JAKMIP2: variants seen among roughly 807,000 people sequenced by gnomAD.
JAKMIP2 encodes the protein janus kinase and microtubule interacting protein 2.
Under a neutral mutation model 115.0 loss-of-function variants are expected in JAKMIP2, and 25 were observed. The observed-to-expected ratio is 0.22, with a 90% confidence interval of 0.16 to 0.30. JAKMIP2 has a LOEUF of 0.30. JAKMIP2 is among the 10% of genes least tolerant of loss of function. The probability of loss-of-function intolerance (pLI) is 1.00; values close to 1 mark genes in which losing one functional copy is unlikely to be tolerated. For synonymous variants in JAKMIP2, 334 were observed against 343.6 expected, an observed-to-expected ratio of 0.97 and a Z score of 0.31; for missense variants, 642 against 957.6, an observed-to-expected ratio of 0.67 and a Z score of 4.35.
chr5:147,631,366 C>G, intron 14 of JAKMIP2, 47 bp downstream of exon 14: 2 of 1,240,036 alleles, frequency 1.6e-6, no homozygotes, highest in Non-Finnish European at 1.1e-6. Context: ...TTCCAATTCC[C>G]AGTTTTTCTA....
intron 21 of JAKMIP2, among the ~76,000 whole-genome samples, chr5:147,596,578 A>G (rs1211080604): frequency 6.6e-6 from 1 of 152,176 alleles, no homozygotes; most frequent in Non-Finnish European, 1.5e-5. Flanking sequence ...TTTCCCAGCT[A>G]TTCATTCATC....
chr5:147,659,716 C>G (rs555826423), intron 3 of JAKMIP2, among the ~76,000 whole-genome samples: 2 of 152,164 alleles, frequency 1.3e-5, no homozygotes, highest in South Asian at 2.1e-4. Context: ...CAGTCACTGT[C>G]GTTTCAAAAA....
chr5:147,636,249 A>G lies in JAKMIP2; in HGVS notation c.1650T>C (p.Ile550=), dbSNP rs767163051. The change falls in exon 12 of 22, where the codon ATT becomes ATC. Residue 550 remains isoleucine, a synonymous_variant. Transcript: ENST00000616793. ...SHWVEDKQLF[I]KRNQELLEKI... ...TTTCTAAAAGCTCCTGGTTTCTCTT[A>G]ATGAAAAGTTGTTTATCTTCTACCC... The G allele has an allele frequency of 1.2e-6, 2 of 1,613,620 alleles. No homozygotes were observed. The highest frequency in any genetic ancestry group is 1.7e-6 in the Non-Finnish European group (2 of 1,179,740).
intron 1 of JAKMIP2, among the ~76,000 whole-genome samples, chr5:147,689,746 AT>A: frequency 6.6e-6 from 1 of 152,138 alleles, no homozygotes; most frequent in Non-Finnish European, 1.5e-5. Flanking sequence ...CTGTCCTCCT[AT>A]TAAGAGGATA....
intron 1 of JAKMIP2, among the ~76,000 whole-genome samples, chr5:147,712,953 G>T (rs1427515164): frequency 1.3e-5 from 2 of 152,060 alleles, no homozygotes; most frequent in Non-Finnish European, 2.9e-5. Flanking sequence ...AGTAAGTCAG[G>T]GTTCCTTTAA....
intron 1 of JAKMIP2, among the ~76,000 whole-genome samples, chr5:147,764,920 A>AAGAAAGAAAGAAAG (rs1554086034): frequency 2.5e-5 from 1 of 39,464 alleles, no homozygotes; most frequent in African/African-American, 1.4e-4. Flanking sequence ...GAAAGAAAGA[A>AAGAAAGAAAGAAAG]AGAGAGAGAG....
At chr5:147,777,538 T>G (rs536604710) in intron 1 of JAKMIP2, among the ~76,000 whole-genome samples, 1 of 152,314 alleles carries the variant, frequency 6.6e-6, no homozygotes, top group East Asian at 1.9e-4. Context: ...AATGATTTCT[T>G]GATGGTAGGC....
chr5:147,661,313 C>G lies in JAKMIP2; in HGVS notation c.262G>C (p.Val88Leu), dbSNP rs1270070675. The change falls in exon 3 of 22, where the codon GTG becomes CTG. Residue 88 changes from valine to leucine, a missense_variant. Val to Leu is a conservative substitution (Grantham distance 32). This residue lies in a region of JAKMIP2 where 439 missense variants were observed against 570.9 expected (regional missense o/e 0.77). Coordinates refer to ENST00000616793, the MANE Select transcript of JAKMIP2 (RefSeq NM_001270941.2). Reference protein sequence around the residue: ...HEEKMKELQAVRENLIKQHEQ... With the variant: ...HEEKMKELQALRENLIKQHEQ... ...TGCTGCTTGATAAGGTTCTCCCTCA[C>G]AGCCTGCAGCTCCTTCATCTTCTCC... 5.6e-6 allele frequency: 9 copies of G among 1,614,038 alleles called. No individual in the cohort carries two copies. The highest frequency in any genetic ancestry group is 7.6e-6 in the Non-Finnish European group (9 of 1,180,020).
intron 17 of JAKMIP2, among the ~76,000 whole-genome samples, 157 bp from the exon 18 acceptor site, chr5:147,620,900 C>T (rs1466087789): frequency 6.6e-6 from 1 of 152,124 alleles, no homozygotes; most frequent in East Asian, 1.9e-4. Context: ...GTTCAACTCT[C>T]ATAGTCTCAC....
At chr5:147,685,425 A>G (rs1760519680) in intron 1 of JAKMIP2, among the ~76,000 whole-genome samples, 1 of 152,208 alleles carries the variant, frequency 6.6e-6, no homozygotes, top group African/African-American at 2.4e-5. Context: ...GATCTATATT[A>G]ACTATTATAT....
At chr5:147,620,637 C>T (rs774500521) in intron 18 of JAKMIP2, 29 bp downstream of exon 18, 22 of 1,481,940 alleles carry the variant, frequency 1.5e-5, no homozygotes, top group East Asian at 9.1e-5. Flanking sequence ...GTAAATACTG[C>T]GGGTGTCTCT....
chr5:147,692,073 T>C (rs1033750065), intron 1 of JAKMIP2, among the ~76,000 whole-genome samples: 1 of 152,110 alleles, frequency 6.6e-6, no homozygotes, highest in Non-Finnish European at 1.5e-5. Context: ...AAGTCCTAAC[T>C]CCCAGTACCA....
At chr5:147,685,536 G>A (rs1356736121) in intron 1 of JAKMIP2, among the ~76,000 whole-genome samples, 5 of 152,136 alleles carry the variant, frequency 3.3e-5, no homozygotes, top group African/African-American at 7.2e-5. Flanking sequence ...TTACTCCGGA[G>A]CCTATAAGCC....
At chr5:147,629,368 G>A (rs564753061) in intron 15 of JAKMIP2, among the ~76,000 whole-genome samples, 4 of 152,254 alleles carry the variant, frequency 2.6e-5, no homozygotes, top group African/African-American at 7.2e-5. Context: ...TTGCAAATGC[G>A]TGACTGATTA....
At chr5:147,750,308 C>A (rs1754501124) in intron 1 of JAKMIP2, among the ~76,000 whole-genome samples, 1 of 152,076 alleles carries the variant, frequency 6.6e-6, no homozygotes, top group Admixed American at 6.6e-5. Flanking sequence ...GCGTTCTTAA[C>A]CCAAGGGACA....
intron 1 of JAKMIP2, among the ~76,000 whole-genome samples, chr5:147,751,256 G>GTTTTTTTTTTTTTTTTGTT (rs59032563): frequency 7.6e-6 from 1 of 131,600 alleles, no homozygotes; most frequent in Non-Finnish European, 1.6e-5. Context: ...TTTTGTTGTT[G>GTTTTTTTTTTTTTTTTGTT]TTTTTTTTTT....
At chr5:147,716,742 T>G (rs1388644731) in intron 1 of JAKMIP2, among the ~76,000 whole-genome samples, 4 of 149,670 alleles carry the variant, frequency 2.7e-5, no homozygotes, top group African/African-American at 9.9e-5. Context: ...ATTCTGGATA[T>G]TAGCCCTTTG....
chr5:147,667,143 T>C (rs1361083516), intron 2 of JAKMIP2, among the ~76,000 whole-genome samples: 3 of 152,076 alleles, frequency 2.0e-5, no homozygotes, highest in Non-Finnish European at 4.4e-5. Flanking sequence ...TGGAAGACAC[T>C]TGGGGTGCGT....
chr5:147,708,172 T>C (rs1379510909), intron 1 of JAKMIP2, among the ~76,000 whole-genome samples: 1 of 152,176 alleles, frequency 6.6e-6, no homozygotes, highest in Non-Finnish European at 1.5e-5. Context: ...AAAAATAGTG[T>C]TGACTTCAAA....
Sources: allele counts gnomAD v4.1 joint callset (sites outside exome capture counted in the v4.1 genomes callset), GRCh38; gene constraint gnomAD v4.1.1; regional missense constraint gnomAD v4.1.1; transcripts MANE v1.5; gene names NCBI Gene and HGNC (gene_info 2026-07-23, HGNC 2026-07-21).